Variants in RASAL3 observed in about 807,000 individuals in gnomAD.
The protein encoded by RASAL3 is RAS protein activator like 3, also known as RAS protein activator like-3.
Under a neutral mutation model 105.5 loss-of-function variants are expected in RASAL3, and 74 were observed. The observed-to-expected ratio is 0.70, with a 90% confidence interval of 0.58 to 0.85. The LOEUF (loss-of-function observed/expected upper bound fraction) is 0.85, where lower values mean the gene tolerates loss of function less well. RASAL3 is among the 40% of genes least tolerant of loss of function. The pLI, the probability that RASAL3 is intolerant of heterozygous loss-of-function variation, is 0.00. For synonymous variants in RASAL3, 579 were observed against 591.6 expected, an observed-to-expected ratio of 0.98 and a Z score of 0.31; for missense variants, 1,352 against 1,392.0, an observed-to-expected ratio of 0.97 and a Z score of 0.46.
chr19:15,461,560 C>T lies in RASAL3; in HGVS notation c.376G>A (p.Glu126Lys), dbSNP rs569381738. Residue 126 changes from glutamate (E) to lysine (K), a missense_variant, in exon 3 of 18, where the codon GAG (glutamate) becomes AAG (lysine). Coordinates refer to ENST00000343625, the MANE Select transcript of RASAL3 (RefSeq NM_022904.3). Reference protein sequence around the residue: ...ELEPPTPQIPEAPTPNVPVWD... With the variant: ...ELEPPTPQIPKAPTPNVPVWD... ...ACAGGCACGTTGGGTGTGGGGGCCT[C>T]AGGGATCTGTGGGGTAGGGGGCTCC... The T allele has an allele frequency of 5.9e-6, 9 of 1,536,176 alleles. No individual in the cohort carries two copies. In the African/African-American group the frequency reaches 9.7e-5, roughly 17 times the overall value.
intron 2 of RASAL3, among the ~76,000 whole-genome samples, chr19:15,462,976 G>T (rs1304985666): frequency 6.6e-6 from 1 of 151,776 alleles, no homozygotes; most frequent in Non-Finnish European, 1.5e-5. Flanking sequence ...AAAATGCTGG[G>T]CCCTAGGCTA....
intron 2 of RASAL3, among the ~76,000 whole-genome samples, chr19:15,462,656 A>G (rs1253273332): frequency 6.6e-6 from 1 of 151,944 alleles, no homozygotes; most frequent in Non-Finnish European, 1.5e-5. Context: ...ATCACTTAAA[A>G]TATGTTGGGC....
chr19:15,458,033 G>T (rs1242532230), intron 8 of RASAL3, 199 bp from the exon 9 acceptor site: 1 of 663,132 alleles, frequency 1.5e-6, no homozygotes, highest in African/African-American at 1.8e-5. Flanking sequence ...GGCTCTCCGG[G>T]AGAGTTGGGG....
chr19:15,452,462 G>C, intron 16 of RASAL3, 196 bp downstream of exon 16: 1 of 609,866 alleles, frequency 1.6e-6, no homozygotes. Flanking sequence ...CAGGGTCCTA[G>C]GCCGACCTTC....
In RASAL3 at chr19:15,453,431, G is replaced by C. The variant is rs761382253; in HGVS notation, c.2346C>G (p.Ile782Met). ...PRDLPKHTPL[I>M]SKSQSLRSVR... Reference sequence around the variant, plus strand: ...CGCTGCGCAGAGACTGGCTCTTGGAGATGAGAGGGGTGTGCTTGGGGAGGT... The same window carrying C: ...CGCTGCGCAGAGACTGGCTCTTGGACATGAGAGGGGTGTGCTTGGGGAGGT... Residue 782 changes from isoleucine (I) to methionine (M), a missense_variant, in exon 15 of 18, where the codon ATC becomes ATG. By Grantham distance (10) the Ile-to-Met change is conservative. Around this residue, in one of 3 missense-constraint regions of RASAL3, gnomAD observed 920 missense variants for 919.6 expected, o/e 1.00. Coordinates refer to ENST00000343625, the MANE Select transcript of RASAL3 (RefSeq NM_022904.3). The surrounding 1 kb of genome is among the most constrained non-coding windows in gnomAD (Gnocchi z 4.2). 1.3e-6 allele frequency: 2 copies of C among 1,536,906 alleles called. No individual in the cohort carries two copies. Among genetic ancestry groups the C allele is most frequent in the Non-Finnish European group, 1.7e-6 (2 of 1,153,630 alleles).
chr19:15,454,623 A>G, intron 12 of RASAL3, 34 bp downstream of exon 12: 1 of 1,611,870 alleles, frequency 6.2e-7, no homozygotes. Flanking sequence ...CACTCCCAGC[A>G]TGGTCCCCCC....
chr19:15,458,785 A>ACCCC (rs531818545), intron 6 of RASAL3, 130 bp from the exon 7 acceptor site: 2 of 1,090,672 alleles, frequency 1.8e-6, no homozygotes, highest in Non-Finnish European at 2.5e-6. Context: ...TGCCCCCCCC[A>ACCCC]CCCCCCGCCA....
Position 15,451,768 on chromosome 19 carries a change from C to T in RASAL3, c.*27G>A, listed in dbSNP as rs375588307. 22 of 1,572,488 alleles carry T rather than the reference C, an allele frequency of 1.4e-5. No individual in the cohort carries two copies. Among genetic ancestry groups the T allele is most frequent in the African/African-American group, 2.7e-5 (2 of 74,118 alleles). The stretch of plus-strand genomic sequence containing the variant: ...GATGGCTATCTCTCTGCTCCCAGAC[C>T]ACGTGTGATGAGGCAGGATGGGCAG... On this transcript the variant is annotated 3_prime_UTR_variant, in exon 18 of 18. Transcript: ENST00000343625.
intron 5 of RASAL3, 145 bp from the exon 6 acceptor site, chr19:15,460,403 G>A (rs1970472399): frequency 1.3e-6 from 1 of 753,012 alleles, no homozygotes. Context: ...AGAGCAATCA[G>A]CAGCTCCTAA....
At chr19:15,458,939 T>C (rs1175832011) in intron 6 of RASAL3, among the ~76,000 whole-genome samples, 4 of 58,736 alleles carry the variant, frequency 6.8e-5, no homozygotes, top group East Asian at 3.2e-4. Flanking sequence ...TATTTTATCC[T>C]ATTTATTTAT....
At position 15,454,682 on chromosome 19, in the gene RASAL3, T is replaced by C; in HGVS notation, c.1933A>G (p.Ile645Val). 6.2e-7 allele frequency: 1 copy of C among 1,609,704 alleles called. No homozygotes were observed. The highest frequency in any genetic ancestry group is 8.5e-7 in the Non-Finnish European group (1 of 1,177,010). ...GGGGCACGGTTGGCGAGGTTCTGGATGACCTTGGCAATCAGTGTGAGGGTG... is the reference window on the plus strand; with the variant it reads ...GGGGCACGGTTGGCGAGGTTCTGGACGACCTTGGCAATCAGTGTGAGGGTG... ...ARTLTLIAKV[I>V]QNLANRAPFG... The change falls in exon 12 of 18, where the codon ATC becomes GTC. Residue 645 changes from isoleucine to valine, a missense_variant. Physicochemically the swap from Ile to Val is conservative, Grantham distance 29. Around this residue, in one of 3 missense-constraint regions of RASAL3, gnomAD observed 920 missense variants for 919.6 expected, o/e 1.00. Coordinates refer to ENST00000343625, the MANE Select transcript of RASAL3 (RefSeq NM_022904.3).
In RASAL3 at chr19:15,453,339, G is replaced by A. The variant is rs1391235483; in HGVS notation, c.2438C>T (p.Pro813Leu). ...DEERPLRRPR[P>L]VQRTQSVPVR... Reference sequence around the variant, plus strand: ...CGGGACACTCTGCGTGCGCTGCACCGGCCGGGGCCGCCGCAGGGGCCGCTC... The same window carrying A: ...CGGGACACTCTGCGTGCGCTGCACCAGCCGGGGCCGCCGCAGGGGCCGCTC... Residue 813 changes from proline to leucine, a missense_variant, in exon 15 of 18, where the codon CCG becomes CTG. Pro to Leu is a moderately conservative substitution (Grantham distance 98). Transcript: ENST00000343625. The surrounding 1 kb of genome is among the most constrained non-coding windows in gnomAD (Gnocchi z 4.2). 7 of 1,426,130 alleles carry A rather than the reference G, an allele frequency of 4.9e-6. No individual in the cohort carries two copies. The highest frequency in any genetic ancestry group is 3.0e-5 in the South Asian group (2 of 67,354). The allele number at this position is 1,426,130 out of a possible 1,614,324, so 88.3% of individuals were successfully genotyped here.
rs757178824 is a variant in RASAL3 at position 15,461,485 on chromosome 19, CAA to C, written c.449_450del (p.Leu150ArgfsTer16). On this transcript the variant is annotated frameshift_variant, in exon 3 of 18. Coordinates refer to ENST00000343625, the MANE Select transcript of RASAL3 (RefSeq NM_022904.3). LOFTEE classifies it high-confidence loss of function. ...CCCCCTCTCACCTCCTCCTCTCCTC[CAA>C]GCAGCACCAGCTTCCCATCAAGCAG... Reference protein sequence around the residue: ...FTLLDGKLVLLGGEEEGPRRP... With the variant: ...FTLLDGKLVLXGGEEEGPRRP... 5 of 1,547,858 alleles carry C rather than the reference CAA, an allele frequency of 3.2e-6. No homozygotes were observed. Among genetic ancestry groups the C allele is most frequent in the Admixed American group, 4.1e-5 (2 of 49,060 alleles).
chr19:15,462,028 C>T (rs1405540280), intron 2 of RASAL3, among the ~76,000 whole-genome samples: 1 of 151,980 alleles, frequency 6.6e-6, no homozygotes, highest in East Asian at 1.9e-4. Context: ...CTTCTCTTAA[C>T]CAAGACATTA....
rs1237555280 is a variant in RASAL3, at chr19:15,456,114, G to A, written c.1711C>T (p.His571Tyr). The change falls in exon 11 of 18, where the codon CAT becomes TAT. Residue 571 changes from histidine (H) to tyrosine (Y), a missense_variant. By Grantham distance (83) the His-to-Tyr change is moderately conservative (BLOSUM62 2). Coordinates refer to ENST00000343625, the MANE Select transcript of RASAL3 (RefSeq NM_022904.3). This position sits in a 1 kb window ranked among gnomAD's most constrained non-coding sequence, Gnocchi z 4.4. Reference protein sequence around the residue: ...SCEEVFETIIHSYDWFPAELG... With the variant: ...SCEEVFETIIYSYDWFPAELG... Reference sequence around the variant, plus strand: ...GGCCCTGATTCTCACTCGTAGGAATGGATAATGGTTTCGAAGACCTCCTCG... The same window carrying A: ...GGCCCTGATTCTCACTCGTAGGAATAGATAATGGTTTCGAAGACCTCCTCG... 1.2e-6 allele frequency: 2 copies of A among 1,613,626 alleles called. No individual in the cohort carries two copies. Among genetic ancestry groups the A allele is most frequent in the South Asian group, 1.1e-5 (1 of 91,080 alleles).
intron 1 of RASAL3, 48 bp from the exon 2 acceptor site, chr19:15,464,425 T>G: frequency 8.4e-6 from 12 of 1,435,112 alleles, no homozygotes; most frequent in South Asian, 2.4e-5. Context: ...GTCCACATAC[T>G]GCCCTCATCT....
intron 3 of RASAL3, 39 bp from the exon 4 acceptor site, chr19:15,461,335 C>T: frequency 6.6e-7 from 1 of 1,525,606 alleles, no homozygotes. Flanking sequence ...AGAGGGGAGG[C>T]AGGCAGGCAG....
At chr19:15,462,173 CA>C (rs1185023602) in intron 2 of RASAL3, among the ~76,000 whole-genome samples, 1 of 151,642 alleles carries the variant, frequency 6.6e-6, no homozygotes, top group Non-Finnish European at 1.5e-5. Flanking sequence ...GGCAACATAA[CA>C]AGACCCTGTC....
At position 15,454,262 on chromosome 19, in the gene RASAL3, G is replaced by T. The variant is rs756643114; in HGVS notation, c.2166C>A (p.Thr722=). 6.4e-7 allele frequency: 1 copy of T among 1,564,502 alleles called. No homozygotes were observed. Among genetic ancestry groups the T allele is most frequent in the Non-Finnish European group, 8.7e-7 (1 of 1,154,340 alleles). The stretch of plus-strand genomic sequence containing the variant: ...TGGGCAGTGGTTCCAGGGTGTCTCG[G>T]GTTGTCTGGTGAGGCATGCAGGACA... ...CTIFAELDQT[T]RDTLEPLPTI... Residue 722 remains threonine (T), a synonymous_variant, in exon 14 of 18, where the codon ACC becomes ACA. Coordinates refer to ENST00000343625, the MANE Select transcript of RASAL3 (RefSeq NM_022904.3).
Sources: gnomAD v4.1 joint callset for allele counts (sites outside exome capture counted in the v4.1 genomes callset) on GRCh38, gnomAD v4.1.1 for gene constraint, gnomAD v4.1.1 regional missense constraint, Gnocchi (gnomAD v3.1) non-coding constraint, MANE v1.5 for transcripts, NCBI Gene and HGNC (gene_info 2026-07-23, HGNC 2026-07-21) for gene names.